Variants in SLC39A5 observed in about 807,000 individuals in gnomAD.
SLC39A5 encodes the protein zinc transporter ZIP5.
In SLC39A5, 42 loss-of-function variants were observed where a neutral mutation model predicts 46.9. The ratio of observed to expected loss-of-function variants is 0.90; its 90% CI spans 0.70 to 1.16. SLC39A5 has a LOEUF of 1.16. SLC39A5 is among the 50% of genes most tolerant of loss of function. The pLI is 0.00. For synonymous variants in SLC39A5, 311 were observed against 323.1 expected (o/e 0.96, Z 0.40); for missense variants, 677 against 686.8 (o/e 0.99, Z 0.16).
rs1431118767 is a variant in SLC39A5, at chr12:56,234,964, AC to A, written c.617del (p.Pro206GlnfsTer197). 8.1e-5 allele frequency: 130 copies of A among 1,613,176 alleles called. No individual in the cohort carries two copies. The highest frequency in any genetic ancestry group is 1.1e-4 in the Non-Finnish European group (126 of 1,179,976). On this transcript the variant is annotated frameshift_variant, in exon 6 of 13. Transcript: ENST00000454355. LOFTEE classifies it high-confidence loss of function. ...RVCIGAPAPA[P>X]PGDLLSALLQ... Reference sequence around the variant, plus strand: ...TCTGCATCGGCGCTCCGGCCCCTGCACCCCCAGGGGATCTACTATCTGGTCA... The same window carrying A: ...TCTGCATCGGCGCTCCGGCCCCTGCACCCCAGGGGATCTACTATCTGGTCA...
chr12:56,237,650 G>GGGGC lies in SLC39A5; in HGVS notation c.1543_1546dup (p.Leu516ArgfsTer25). The GGGGC allele has an allele frequency of 6.2e-7, 1 of 1,611,424 alleles. No homozygotes were observed. Among genetic ancestry groups the GGGGC allele is most frequent in the Middle Eastern group, 1.7e-4 (1 of 6,026 alleles). On this transcript the variant is annotated frameshift_variant, in exon 13 of 13. Transcript: ENST00000454355. LOFTEE classifies it high-confidence loss of function. ...CGCCCCATGTGCTCCTGCAGGGGCT[G>GGGGC]GGGCTGCTGCTGGGGGGCGGCCTCA...
rs1870330667 is a variant in SLC39A5, at chr12:56,232,577, G to A, written c.288-112G>A. On this transcript the variant is annotated intron_variant, in intron 4 of 12. Transcript: ENST00000454355. ...ACATTCCATGGTTTCTGGGTCCCAG[G>A]ATCTCCAGTCAGTGGCTAGTCCCCC... 7.6e-6 allele frequency: 7 copies of A among 921,616 alleles called. No homozygotes were observed. In the East Asian group the frequency reaches 2.0e-4, roughly 27 times the overall value. 57.1% of individuals were successfully genotyped at this position (921,616 alleles called of 1,614,324 possible). A position where few individuals can be genotyped will look rare whatever the true frequency, so the allele number is the denominator to read the frequency against.
In SLC39A5 at chr12:56,232,713, G is replaced by GGAT. The variant is rs753624184; in HGVS notation, c.314_316dup (p.Asp105dup). On this transcript the variant is annotated inframe_insertion, in exon 5 of 13. Transcript: ENST00000454355. ...GGCCACAGAACCCTGAGCTGAGTGT[G>GGAT]GATGTCTGGGCAGGGATGCCTCTGG... The GGAT allele has an allele frequency of 1.9e-6, 3 of 1,610,606 alleles. No individual in the cohort carries two copies. In the African/African-American group the frequency reaches 4.0e-5, roughly 22 times the overall value.
Position 56,234,983 on chromosome 12 carries a change from TCTGGTCAG to T in SLC39A5, c.633_634+6del. ...CCCTGCACCCCCAGGGGATCTACTA[TCTGGTCAG>T]CAAGTAGGAGTGGGTGGGGGACACC... On this transcript the variant is annotated splice_donor_variant and splice_donor_5th_base_variant and coding_sequence_variant and intron_variant, in exon 6 of 13. Transcript: ENST00000454355. LOFTEE classifies it high-confidence loss of function. 1 of 1,613,110 alleles carries T rather than the reference TCTGGTCAG, an allele frequency of 6.2e-7. No homozygotes were observed. Among genetic ancestry groups the T allele is most frequent in the Non-Finnish European group, 8.5e-7 (1 of 1,179,994 alleles).
intron 5 of SLC39A5, among the ~76,000 whole-genome samples, chr12:56,233,249 A>T (rs2135852238): frequency 7.5e-6 from 1 of 133,944 alleles, no homozygotes; most frequent in African/African-American, 2.8e-5. Flanking sequence ...GGGCAACAAG[A>T]GGGAGACTCT....
At chr12:56,230,919 A>AG (rs778597295) in intron 3 of SLC39A5, 46 bp downstream of exon 3, 2 of 221,896 alleles carry the variant, frequency 9.0e-6, no homozygotes, top group Non-Finnish European at 8.6e-6. Flanking sequence ...CTGGGGATTG[A>AG]GGGGGGATAA....
chr12:56,232,006 A>G lies in SLC39A5; in HGVS notation c.287+445A>G, dbSNP rs1870259936. 2.0e-5 allele frequency among the ~76,000 whole-genome samples: 3 copies of G among 151,918 alleles called. No individual in the cohort carries two copies. The South Asian group carries it at 6.2e-4, about 32-fold the overall frequency. On this transcript the variant is annotated intron_variant, in intron 4 of 12. Coordinates refer to ENST00000454355, the MANE Select transcript of SLC39A5 (RefSeq NM_173596.3). ...CTCAGCTTCCCAAAGTGCTGGGACT[A>G]CAGATGTGAACTACCACCCTAGCCC...
At chr12:56,237,108 C>A in intron 11 of SLC39A5, 42 bp from the exon 12 acceptor site, 9 of 1,612,682 alleles carry the variant, frequency 5.6e-6, no homozygotes, top group Non-Finnish European at 7.6e-6. Flanking sequence ...ATGAGGGGCA[C>A]CCCAGCTTAC....
chr12:56,234,422 C>T (rs1226008500), intron 5 of SLC39A5, among the ~76,000 whole-genome samples: 1 of 151,262 alleles, frequency 6.6e-6, no homozygotes, highest in Non-Finnish European at 1.5e-5. Flanking sequence ...TCAAGCGATT[C>T]TCCTGTCTCA....
chr12:56,234,314 ATTTTT>A (rs149900118), intron 5 of SLC39A5, among the ~76,000 whole-genome samples: 1 of 117,856 alleles, frequency 8.5e-6, no homozygotes, highest in African/African-American at 3.2e-5. Context: ...TCCCCAGCTA[ATTTTT>A]TTTTTTTTTT....
Position 56,231,464 on chromosome 12 carries a change from A to G in SLC39A5, c.190A>G (p.Ser64Gly). 1 of 1,613,802 alleles carries G rather than the reference A, an allele frequency of 6.2e-7. No individual in the cohort carries two copies. Among genetic ancestry groups the G allele is most frequent in the Non-Finnish European group, 8.5e-7 (1 of 1,179,870 alleles). ...TAGGLARLLHSLGLGRVQGLR... is the reference protein window; with the variant it reads ...TAGGLARLLHGLGLGRVQGLR... ...AGGGGGCTTGGCGCGGCTTCTCCAC[A>G]GCCTGGGGCTAGGCCGAGTTCAGGG... Residue 64 changes from serine to glycine, a missense_variant, in exon 4 of 13, where the codon AGC becomes GGC. Coordinates refer to ENST00000454355, the MANE Select transcript of SLC39A5 (RefSeq NM_173596.3).
Position 56,237,021 on chromosome 12 carries a change from G to A in SLC39A5, c.1288+10G>A. The A allele has an allele frequency of 6.2e-7, 1 of 1,614,064 alleles. No individual in the cohort carries two copies. Among genetic ancestry groups the A allele is most frequent in the Non-Finnish European group, 8.5e-7 (1 of 1,179,952 alleles). The stretch of plus-strand genomic sequence containing the variant: ...CTGCCCCACGAACTGGGTAGGAATG[G>A]CAGGAGCAGGGTGGGGTGGACTCCA... On this transcript the variant is annotated intron_variant, in intron 11 of 12. Transcript: ENST00000454355.
chr12:56,235,333 G>C lies in SLC39A5; in HGVS notation c.804+7G>C, dbSNP rs1209975020. On this transcript the variant is annotated splice_region_variant and intron_variant, in intron 7 of 12. Coordinates refer to ENST00000454355, the MANE Select transcript of SLC39A5 (RefSeq NM_173596.3). The stretch of plus-strand genomic sequence containing the variant: ...GCTACATCTGCTACCGCATGTATGT[G>C]AAGCCCCTTCCTTGTACCCCTGGCC... 2 of 1,514,330 alleles carry C rather than the reference G, an allele frequency of 1.3e-6. No homozygotes were observed. The highest frequency in any genetic ancestry group is 1.3e-5 in the South Asian group (1 of 76,038). 93.8% of individuals were successfully genotyped at this position (1,514,330 alleles called of 1,614,324 possible).
chr12:56,234,715 C>A, intron 5 of SLC39A5, 109 bp from the exon 6 acceptor site: 1 of 1,207,150 alleles, frequency 8.3e-7, no homozygotes, highest in Non-Finnish European at 1.2e-6. Context: ...CCCGCCTGGG[C>A]CTCTCAAGGG....
At chr12:56,236,229 C>T (rs552046198) in intron 8 of SLC39A5, among the ~76,000 whole-genome samples, 167 bp from the exon 9 acceptor site, 2 of 152,254 alleles carry the variant, frequency 1.3e-5, no homozygotes, top group South Asian at 2.1e-4. Flanking sequence ...CTCAAGTCAA[C>T]AAGAAACAGA....
At chr12:56,236,784 G>A in intron 10 of SLC39A5, 38 bp downstream of exon 10, 1 of 1,578,458 alleles carries the variant, frequency 6.3e-7, no homozygotes, top group Non-Finnish European at 8.6e-7. Flanking sequence ...AGGTCCGAGG[G>A]GAGGCCAGGG....
intron 12 of SLC39A5, 45 bp from the exon 13 acceptor site, chr12:56,237,543 G>A: frequency 6.2e-7 from 1 of 1,612,028 alleles, no homozygotes; most frequent in Non-Finnish European, 8.5e-7. Context: ...GGAGTTGAGA[G>A]GTCAGGGGCA....
chr12:56,231,914 A>T (rs1157503098), intron 4 of SLC39A5, among the ~76,000 whole-genome samples: 1 of 151,284 alleles, frequency 6.6e-6, no homozygotes, highest in Non-Finnish European at 1.5e-5. Context: ...TTTTACAGAG[A>T]CAAGGGTTTC....
At chr12:56,237,110 C>T in intron 11 of SLC39A5, 40 bp from the exon 12 acceptor site, 1 of 1,612,956 alleles carries the variant, frequency 6.2e-7, no homozygotes, top group Non-Finnish European at 8.5e-7. Context: ...GAGGGGCACC[C>T]CAGCTTACTC....
Sources: gnomAD v4.1 joint callset for allele counts (sites outside exome capture counted in the v4.1 genomes callset) on GRCh38, gnomAD v4.1.1 for gene constraint, MANE v1.5 for transcripts, NCBI Gene and HGNC (gene_info 2026-07-23, HGNC 2026-07-21) for gene names.